The following DLC1 variants were observed in gnomAD, a reference collection of about 807,000 sequenced individuals.
The protein encoded by DLC1 is rho GTPase-activating protein 7.
Under a neutral mutation model 140.3 loss-of-function variants are expected in DLC1, and 54 were observed. The ratio of observed to expected loss-of-function variants is 0.38; its 90% CI spans 0.31 to 0.48. DLC1 has a LOEUF of 0.48. DLC1 is among the 20% of genes least tolerant of loss of function. The pLI is 0.96. For synonymous variants in DLC1, 986 were observed against 728.1 expected, an observed-to-expected ratio of 1.35 and a Z score of -5.70; for missense variants, 2,536 against 1,907.0, an observed-to-expected ratio of 1.33 and a Z score of -6.14.
chr8:13,100,357 G>T lies in DLC1; in HGVS notation c.1980C>A (p.Ala660=). The stretch of plus-strand genomic sequence containing the variant: ...TCAGCAGACTGCGCGTCTTGGACTT[G>T]GCAGTTTTTTCGTGGCCTTTCATGC... The part of the protein sequence containing the change: ...SFSMKGHEKT[A]KSKTRSLLKR... The change falls in exon 9 of 18, where the codon GCC becomes GCA. Residue 660 remains alanine (A), a synonymous_variant. Transcript: ENST00000276297. 1 of 1,614,168 alleles carries T rather than the reference G, an allele frequency of 6.2e-7. No individual in the cohort carries two copies. Among genetic ancestry groups the T allele is most frequent in the Non-Finnish European group, 8.5e-7 (1 of 1,180,038 alleles).
Position 13,241,398 on chromosome 8 carries a change from A to T in DLC1, c.1348+63871T>A, listed in dbSNP as rs1193258015. ...AAGTTTTCCCATGCTAACATTTCCA[A>T]CCTGATTTGGGGTACATTTTTTTCC... is the stretch of plus-strand genomic sequence containing the variant. On this transcript the variant is annotated intron_variant, in intron 5 of 17. Transcript: ENST00000276297. 4.6e-5 allele frequency among the ~76,000 whole-genome samples: 7 copies of T among 152,100 alleles called. No individual in the cohort carries two copies. The East Asian group carries it at 5.8e-4, about 13-fold the overall frequency.
intron 5 of DLC1, among the ~76,000 whole-genome samples, chr8:13,303,079 C>A (rs1832268847): frequency 6.6e-6 from 1 of 151,748 alleles, no homozygotes; most frequent in Non-Finnish European, 1.5e-5. Context: ...AAATTCACTG[C>A]CTTGAAAAAA....
At chr8:13,332,701 G>A (rs1165041241) in intron 4 of DLC1, among the ~76,000 whole-genome samples, 5 of 152,034 alleles carry the variant, frequency 3.3e-5, no homozygotes, top group Admixed American at 6.5e-5. Context: ...CCAGAGACGT[G>A]AGCCACCATG....
intron 5 of DLC1, among the ~76,000 whole-genome samples, chr8:13,192,311 T>G (rs1826804566): frequency 6.6e-6 from 1 of 152,260 alleles, no homozygotes; most frequent in South Asian, 2.1e-4. Flanking sequence ...TGCTGTGCAA[T>G]TTTGGGTGAT....
chr8:13,272,763 G>C (rs995125008), intron 5 of DLC1, among the ~76,000 whole-genome samples: 1 of 151,982 alleles, frequency 6.6e-6, no homozygotes, highest in Non-Finnish European at 1.5e-5. Context: ...AGTCCCAGCT[G>C]CTCGGGAGGC....
chr8:13,230,467 G>A (rs1220188880), intron 5 of DLC1, among the ~76,000 whole-genome samples: 1 of 152,152 alleles, frequency 6.6e-6, no homozygotes, highest in East Asian at 1.9e-4. Context: ...ATCCAGGAGA[G>A]CTAATATCAC....
At chr8:13,226,123 A>G (rs916401692) in intron 5 of DLC1, among the ~76,000 whole-genome samples, 2 of 152,266 alleles carry the variant, frequency 1.3e-5, no homozygotes, top group East Asian at 3.9e-4. Context: ...TGTGTTGCCC[A>G]GGCTAGTCTT....
intron 2 of DLC1, among the ~76,000 whole-genome samples, chr8:13,487,257 G>C (rs1425400863): frequency 6.6e-6 from 1 of 152,140 alleles, no homozygotes; most frequent in Non-Finnish European, 1.5e-5. Flanking sequence ...GAAAATGAAT[G>C]GACATCCATA....
chr8:13,576,427 A>C (rs190348743), intron 1 of DLC1, among the ~76,000 whole-genome samples: 11 of 152,308 alleles, frequency 7.2e-5, no homozygotes, highest in Non-Finnish European at 1.5e-5. Flanking sequence ...CAACAGCATA[A>C]ATAGGCATCA....
chr8:13,559,212 C>G (rs889559412), intron 1 of DLC1: 1 of 152,220 alleles, frequency 6.6e-6, no homozygotes, highest in Non-Finnish European at 1.5e-5. Context: ...CAGCCTTGTA[C>G]CACATGGCAG....
At chr8:13,184,514 G>A (rs1479371779) in intron 5 of DLC1, among the ~76,000 whole-genome samples, 2 of 152,060 alleles carry the variant, frequency 1.3e-5, no homozygotes, top group South Asian at 2.1e-4. Context: ...GTTCTCATTG[G>A]GTTCAAAGAA....
intron 1 of DLC1, among the ~76,000 whole-genome samples, chr8:13,508,320 G>C (rs964870820): frequency 8.5e-5 from 13 of 152,200 alleles, no homozygotes; most frequent in Non-Finnish European, 1.5e-4. Flanking sequence ...ATATTCTCCT[G>C]ATATCACTGA....
chr8:13,203,504 T>C (rs1042746059), intron 5 of DLC1, among the ~76,000 whole-genome samples: 3 of 152,206 alleles, frequency 2.0e-5, no homozygotes, highest in African/African-American at 7.2e-5. Context: ...GAATTTCCTA[T>C]GAATAGGAAG....
chr8:13,349,521 T>G (rs1396984393), intron 4 of DLC1, among the ~76,000 whole-genome samples: 1 of 152,214 alleles, frequency 6.6e-6, no homozygotes, highest in African/African-American at 2.4e-5. Context: ...CAAACAGAGC[T>G]GGGTCTCAAC....
At chr8:13,299,299 T>A (rs968093706) in intron 5 of DLC1, among the ~76,000 whole-genome samples, 25 of 150,946 alleles carry the variant, frequency 1.7e-4, no homozygotes, top group Non-Finnish European at 3.1e-4. Flanking sequence ...AAAAAAAAAA[T>A]TAGCCAGGTG....
intron 5 of DLC1, among the ~76,000 whole-genome samples, chr8:13,293,591 C>T (rs1047780047): frequency 2.0e-5 from 3 of 152,026 alleles, no homozygotes; most frequent in Non-Finnish European, 2.9e-5. Context: ...ACATGGCATG[C>T]GGGGTGACAA....
chr8:13,587,576 G>C (rs1352793707), intron 1 of DLC1, among the ~76,000 whole-genome samples: 84 of 133,772 alleles, frequency 6.3e-4, no homozygotes, highest in Admixed American at 1.9e-3. Context: ...CACAGAGAGA[G>C]AGAAAATATA....
intron 4 of DLC1, among the ~76,000 whole-genome samples, chr8:13,349,517 G>T (rs1336635778): frequency 6.6e-6 from 1 of 152,168 alleles, no homozygotes; most frequent in Non-Finnish European, 1.5e-5. Context: ...TTCTCAAACA[G>T]AGCTGGGTCT....
chr8:13,148,879 G>A (rs1338988533), intron 5 of DLC1, among the ~76,000 whole-genome samples: 2 of 151,970 alleles, frequency 1.3e-5, no homozygotes, highest in East Asian at 1.9e-4. Context: ...TGCAAGCTCC[G>A]CCTCCCAGGT....
Sources: allele counts gnomAD v4.1 joint callset (sites outside exome capture counted in the v4.1 genomes callset), GRCh38; gene constraint gnomAD v4.1.1; transcripts MANE v1.5; gene names NCBI Gene and HGNC (gene_info 2026-07-23, HGNC 2026-07-21).